The following SNTG1 variants were observed in gnomAD, a reference collection of about 807,000 sequenced individuals.
The protein encoded by SNTG1 is gamma-1-syntrophin.
SNTG1 carries 39 observed loss-of-function variants against 74.7 expected under a neutral mutation model. The ratio of observed to expected loss-of-function variants is 0.52; its 90% CI spans 0.40 to 0.68. The LOEUF (loss-of-function observed/expected upper bound fraction) is 0.68, where lower values mean the gene tolerates loss of function less well. SNTG1 is among the 30% of genes least tolerant of loss of function. The pLI is 0.00. For synonymous variants in SNTG1, 254 were observed against 217.1 expected, an observed-to-expected ratio of 1.17 and a Z score of -1.49; for missense variants, 685 against 609.5, an observed-to-expected ratio of 1.12 and a Z score of -1.30.
At chr8:49,962,730 G>A (rs778687336) in intron 1 of SNTG1, among the ~76,000 whole-genome samples, 8 of 152,126 alleles carry the variant, frequency 5.3e-5, no homozygotes, top group Non-Finnish European at 8.8e-5. Flanking sequence ...GAGTAGCTGG[G>A]ATTACAGGTG....
In SNTG1 at chr8:50,265,967, A is replaced by G. The variant is rs180727096; in HGVS notation, c.-28+93332A>G. Among the ~76,000 whole-genome samples the G allele has an allele frequency of 3.0e-4, 46 of 152,202 alleles. No individual in the cohort carries two copies. In the Middle Eastern group the frequency reaches 0.014, roughly 45 times the overall value. ...ACCTAAATGAATAGAAAGACATACC[A>G]TATTCATAGATAGTAAGAACACTGT... On this transcript the variant is annotated intron_variant, in intron 2 of 18. Transcript: ENST00000642720.
intron 8 of SNTG1, among the ~76,000 whole-genome samples, chr8:50,492,184 C>T (rs1202966361): frequency 6.6e-6 from 1 of 152,096 alleles, no homozygotes; most frequent in Non-Finnish European, 1.5e-5. Context: ...TAAACAGTGC[C>T]TCAATAAACA....
chr8:50,272,850 C>T (rs1016171580), intron 2 of SNTG1, among the ~76,000 whole-genome samples: 4 of 151,666 alleles, frequency 2.6e-5, no homozygotes, highest in Non-Finnish European at 5.9e-5. Context: ...AATCCTCCTG[C>T]CTCAGCCTCC....
At chr8:50,087,581 A>T (rs1187792512) in intron 1 of SNTG1, among the ~76,000 whole-genome samples, 2 of 152,144 alleles carry the variant, frequency 1.3e-5, no homozygotes, top group Admixed American at 6.6e-5. Context: ...TAGCCAAACC[A>T]TATAATAGTC....
intron 8 of SNTG1, among the ~76,000 whole-genome samples, chr8:50,489,852 T>G (rs996921448): frequency 1.5e-4 from 23 of 152,218 alleles, no homozygotes; most frequent in Non-Finnish European, 3.1e-4. Context: ...CCCATGCCTA[T>G]GTCCTGACTG....
At chr8:50,789,161 T>C (rs2095684267) in intron 18 of SNTG1, among the ~76,000 whole-genome samples, 1 of 151,956 alleles carries the variant, frequency 6.6e-6, no homozygotes, top group South Asian at 2.1e-4. Context: ...CATGAAGCCA[T>C]TCTTATGAAG....
At chr8:49,925,748 C>A (rs2129349098) in intron 1 of SNTG1, among the ~76,000 whole-genome samples, 1 of 152,268 alleles carries the variant, frequency 6.6e-6, no homozygotes, top group African/African-American at 2.4e-5. Context: ...AAGTTGTTGC[C>A]TGTGCCAGTA....
intron 1 of SNTG1, among the ~76,000 whole-genome samples, chr8:50,132,028 T>C (rs1301511073): frequency 1.3e-5 from 2 of 152,104 alleles, no homozygotes; most frequent in Non-Finnish European, 2.9e-5. Flanking sequence ...TTTCATTCCA[T>C]CAGTCTATTT....
intron 11 of SNTG1, among the ~76,000 whole-genome samples, chr8:50,549,207 C>G (rs2094408895): frequency 6.6e-6 from 1 of 151,990 alleles, no homozygotes. Flanking sequence ...AGGTTTTGTG[C>G]CTGAAAAATT....
intron 12 of SNTG1, among the ~76,000 whole-genome samples, chr8:50,556,649 T>G (rs1010545244): frequency 6.6e-6 from 1 of 152,200 alleles, no homozygotes; most frequent in African/African-American, 2.4e-5. Flanking sequence ...GTGAAGTTTT[T>G]GGGAACCTTG....
intron 5 of SNTG1, among the ~76,000 whole-genome samples, chr8:50,442,643 G>T (rs569467585): frequency 4.1e-5 from 5 of 123,226 alleles, no homozygotes; most frequent in South Asian, 5.3e-4. Flanking sequence ...TCACATACTT[G>T]TGTGCCTTTT....
At chr8:50,512,852 T>C (rs1357029872) in intron 9 of SNTG1, among the ~76,000 whole-genome samples, 1 of 152,176 alleles carries the variant, frequency 6.6e-6, no homozygotes, top group Non-Finnish European at 1.5e-5. Flanking sequence ...TTCTTTGCCA[T>C]GGGTTCGAAC....
intron 1 of SNTG1, among the ~76,000 whole-genome samples, chr8:50,099,689 G>A (rs1180537136): frequency 3.3e-5 from 5 of 151,996 alleles, no homozygotes; most frequent in African/African-American, 7.2e-5. Flanking sequence ...CATTCTAATC[G>A]GGATGAGATG....
chr8:50,768,801 G>T, intron 18 of SNTG1, among the ~76,000 whole-genome samples: 1 of 152,002 alleles, frequency 6.6e-6, no homozygotes, highest in South Asian at 2.1e-4. Context: ...GGAGTGCTTC[G>T]TTCTGTAAAA....
Position 50,306,519 on chromosome 8 carries a change from G to A in SNTG1, c.-27-87693G>A, listed in dbSNP as rs550507486. On this transcript the variant is annotated intron_variant, in intron 2 of 18. Transcript: ENST00000642720. Reference sequence around the variant, plus strand: ...ACTAATTTACACTCTCAAAAGCAGTGTATAAGTGTTCCTTTTTTACCACAT... The same window carrying A: ...ACTAATTTACACTCTCAAAAGCAGTATATAAGTGTTCCTTTTTTACCACAT... 2.0e-3 allele frequency among the ~76,000 whole-genome samples: 311 copies of A among 152,170 alleles called. 2 individuals carry two copies. Among genetic ancestry groups the A allele is most frequent in the African/African-American group, 7.1e-3 (293 of 41,530 alleles).
chr8:49,946,364 A>G (rs1809187399), intron 1 of SNTG1, among the ~76,000 whole-genome samples: 1 of 152,172 alleles, frequency 6.6e-6, no homozygotes, highest in African/African-American at 2.4e-5. Context: ...TCTCTAATTT[A>G]GGCTACAATG....
intron 1 of SNTG1, among the ~76,000 whole-genome samples, chr8:49,990,782 A>G (rs1390318492): frequency 6.6e-6 from 1 of 152,136 alleles, no homozygotes; most frequent in Non-Finnish European, 1.5e-5. Flanking sequence ...CCACATAACA[A>G]ACATAACTCA....
At chr8:50,103,527 C>G (rs1381489721) in intron 1 of SNTG1, among the ~76,000 whole-genome samples, 1 of 152,188 alleles carries the variant, frequency 6.6e-6, no homozygotes, top group Non-Finnish European at 1.5e-5. Context: ...TTGACTTCCT[C>G]TTTTCGTAAT....
At chr8:50,525,254 T>A (rs1172845970) in intron 9 of SNTG1, among the ~76,000 whole-genome samples, 1 of 152,208 alleles carries the variant, frequency 6.6e-6, no homozygotes, top group Non-Finnish European at 1.5e-5. Flanking sequence ...ATCTATGAGA[T>A]CTTCCCTTTA....
Sources: gnomAD v4.1 joint callset for allele counts (sites outside exome capture counted in the v4.1 genomes callset) on GRCh38, gnomAD v4.1.1 for gene constraint, MANE v1.5 for transcripts, NCBI Gene and HGNC (gene_info 2026-07-23, HGNC 2026-07-21) for gene names.